Variants in MMP15 observed in about 807,000 individuals in gnomAD.
MMP15 encodes the protein matrix metalloproteinase-15.
In MMP15, 36 loss-of-function variants were observed where a neutral mutation model predicts 65.0. That is an observed-to-expected ratio of 0.55 (90% CI 0.42 to 0.73). The LOEUF is 0.73. Ranked by LOEUF, MMP15 falls within the 30% of genes least tolerant of loss-of-function variation. MMP15 has a pLI of 0.00. For missense variants in MMP15, 870 were observed against 987.8 expected (o/e 0.88, Z 1.60); for synonymous variants, 428 against 410.2 (o/e 1.04, Z -0.52).
rs761551053 is a variant in MMP15 at position 58,040,766 on chromosome 16, T to C, written c.910+68T>C. ...GTCCCTGGCCAATGAGGAGTAGGCA[T>C]TGCTGCCATCCCCATTTTGTAGATG... On this transcript the variant is annotated intron_variant, in intron 5 of 9. Coordinates refer to ENST00000219271, the MANE Select transcript of MMP15 (RefSeq NM_002428.4). 4.6e-5 allele frequency: 74 copies of C among 1,603,360 alleles called. 1 individual carries two copies. The Middle Eastern group carries it at 1.8e-3, about 39-fold the overall frequency.
Position 58,040,605 on chromosome 16 carries a change from C to G in MMP15, c.817C>G (p.Pro273Ala), listed in dbSNP as rs1465426810. The G allele has an allele frequency of 8.7e-6, 14 of 1,614,022 alleles. No homozygotes were observed. Among genetic ancestry groups the G allele is most frequent in the Non-Finnish European group, 1.2e-5 (14 of 1,180,052 alleles). The part of the protein sequence containing the change: ...HALGLEHSSN[P>A]NAIMAPFYQW... ...GCTGGGGCTGGAGCACTCCAGCAAC[C>G]CCAATGCCATCATGGCGCCGTTCTA... Residue 273 changes from proline (P) to alanine (A), a missense_variant, in exon 5 of 10, where the codon CCC (proline) becomes GCC (alanine). Transcript: ENST00000219271.
rs936222163 is a variant in MMP15 at position 58,037,074 on chromosome 16, C to T, written c.163-398C>T. Among the ~76,000 whole-genome samples, 10 of 152,142 alleles carry T rather than the reference C, an allele frequency of 6.6e-5. No homozygotes were observed. The South Asian group carries it at 8.3e-4, about 13-fold the overall frequency. On this transcript the variant is annotated intron_variant, in intron 1 of 9. Transcript: ENST00000219271. The stretch of plus-strand genomic sequence containing the variant: ...GGATGAAAGCCTCTCAGTTGTCTGG[C>T]GGGAGAGTGCATCAGGCAGCAGAGG...
At chr16:58,036,382 C>G (rs1019682705) in intron 1 of MMP15, among the ~76,000 whole-genome samples, 2 of 152,206 alleles carry the variant, frequency 1.3e-5, no homozygotes, top group African/African-American at 4.8e-5. Context: ...TGTGTTGGGT[C>G]TCCCAGGGAG....
In MMP15 at chr16:58,025,830, TGCTCTCTCGCTC is replaced by T. The variant is rs1227013832; in HGVS notation, c.-511_-500del. The T allele has an allele frequency of 6.6e-6, 1 of 151,694 alleles. No homozygotes were observed. The highest frequency in any genetic ancestry group is 2.4e-5 in the African/African-American group (1 of 41,304). 9.4% of individuals were successfully genotyped at this position (151,694 alleles called of 1,614,324 possible). ...GCGCCCGCTCCTTGGCTGGCTCGCT[TGCTCTCTCGCTC>T]GCTCTCTCGGGTCGGCTCCCTGCGC... On this transcript the variant is annotated 5_prime_UTR_variant, in exon 1 of 10. Coordinates refer to ENST00000219271, the MANE Select transcript of MMP15 (RefSeq NM_002428.4).
chr16:58,028,165 T>C (rs565239906), intron 1 of MMP15, among the ~76,000 whole-genome samples: 1 of 152,286 alleles, frequency 6.6e-6, no homozygotes, highest in Non-Finnish European at 1.5e-5. Context: ...CTTCACTCTC[T>C]CTCTCTTCTG....
chr16:58,045,313 T>C lies in MMP15; in HGVS notation c.1877T>C (p.Val626Ala). 6.2e-7 allele frequency: 1 copy of C among 1,609,764 alleles called. No homozygotes were observed. Among genetic ancestry groups the C allele is most frequent in the Non-Finnish European group, 8.5e-7 (1 of 1,179,180 alleles). ...QMEEVARTVN[V>A]VMVLVPLLLL... ...GAGGAGGTGGCACGGACGGTGAACG[T>C]GGTGATGGTGCTGGTGCCACTGCTG... Residue 626 changes from valine to alanine, a missense_variant, in exon 10 of 10, where the codon GTG becomes GCG. Val to Ala is a moderately conservative substitution (Grantham distance 64). Coordinates refer to ENST00000219271, the MANE Select transcript of MMP15 (RefSeq NM_002428.4).
At chr16:58,026,544 G>A in intron 1 of MMP15, 32 bp downstream of exon 1, 3 of 1,300,086 alleles carry the variant, frequency 2.3e-6, no homozygotes, top group South Asian at 2.2e-5. Context: ...TTGGCTGCGG[G>A]CTGGGGGCTT....
intron 1 of MMP15, among the ~76,000 whole-genome samples, chr16:58,034,275 G>A (rs1173387853): frequency 3.9e-5 from 6 of 152,196 alleles, no homozygotes; most frequent in South Asian, 2.1e-4. Flanking sequence ...ACTCATCTGC[G>A]CCTTTTGCCC....
At chr16:58,036,178 G>C (rs1959328625) in intron 1 of MMP15, among the ~76,000 whole-genome samples, 1 of 152,200 alleles carries the variant, frequency 6.6e-6, no homozygotes, top group Non-Finnish European at 1.5e-5. Flanking sequence ...GTCAGACACA[G>C]ACACTTGCAG....
At position 58,026,524 on chromosome 16, in the gene MMP15, G is replaced by C; in HGVS notation, c.162+12G>C. 2 of 1,319,568 alleles carry C rather than the reference G, an allele frequency of 1.5e-6. No homozygotes were observed. Among genetic ancestry groups the C allele is most frequent in the Middle Eastern group, 2.4e-4 (1 of 4,194 alleles). 81.7% of individuals were successfully genotyped at this position (1,319,568 alleles called of 1,614,324 possible). ...AGGTCCATGCCGAGGTAAGACCCCC[G>C]CCCTGCCCTTTGGCTGCGGGCTGGG... On this transcript the variant is annotated intron_variant, in intron 1 of 9. Transcript: ENST00000219271.
intron 1 of MMP15, among the ~76,000 whole-genome samples, chr16:58,036,321 C>G (rs1487758228): frequency 6.6e-6 from 1 of 152,216 alleles, no homozygotes; most frequent in Non-Finnish European, 1.5e-5. Flanking sequence ...CTGTCTCTGC[C>G]CTCTGGCTTG....
At chr16:58,042,060 T>C (rs373373905) in intron 6 of MMP15, among the ~76,000 whole-genome samples, 171 bp from the exon 7 acceptor site, 4 of 152,228 alleles carry the variant, frequency 2.6e-5, no homozygotes, top group Non-Finnish European at 5.9e-5. Flanking sequence ...GCTCCCCAGC[T>C]CAGGGCTCTG....
chr16:58,029,407 A>G (rs898516965), intron 1 of MMP15, among the ~76,000 whole-genome samples: 1 of 152,146 alleles, frequency 6.6e-6, no homozygotes, highest in Non-Finnish European at 1.5e-5. Flanking sequence ...GGGCCTTGTC[A>G]TTGGGAATCT....
At position 58,026,330 on chromosome 16, in the gene MMP15, G is replaced by C; in HGVS notation, c.-21G>C. ...GAGGATCCGGCGTGCAGTGTTCCGA[G>C]CTGGGCTGGGCGCCGAGAGCATGGG... On this transcript the variant is annotated 5_prime_UTR_variant, in exon 1 of 10. Transcript: ENST00000219271. The C allele has an allele frequency of 7.5e-7, 1 of 1,331,044 alleles. No individual in the cohort carries two copies. Among genetic ancestry groups the C allele is most frequent in the Non-Finnish European group, 9.6e-7 (1 of 1,044,582 alleles). The allele number at this position is 1,331,044 out of a possible 1,614,324, so 82.5% of individuals were successfully genotyped here.
intron 7 of MMP15, 32 bp downstream of exon 7, chr16:58,042,401 C>T (rs188793812): frequency 5.7e-5 from 92 of 1,609,564 alleles, no homozygotes; most frequent in South Asian, 5.1e-4. Flanking sequence ...GGGTTGGGCA[C>T]GCCTCCTGCC....
In MMP15 at chr16:58,045,608, T is replaced by C. The variant is rs1050234109; in HGVS notation, c.*162T>C. 1.8e-5 allele frequency: 11 copies of C among 626,862 alleles called. No homozygotes were observed. Among genetic ancestry groups the C allele is most frequent in the Admixed American group, 3.4e-5 (1 of 29,804 alleles). The allele number at this position is 626,862 out of a possible 1,614,324, so 38.8% of individuals were successfully genotyped here. On this transcript the variant is annotated 3_prime_UTR_variant, in exon 10 of 10. Transcript: ENST00000219271. ...TCCAGGTGTTTGTTTTGTTTTGTTTTTGGCACCTTACTTGACCATTTGTTT... is the reference window on the plus strand; with the variant it reads ...TCCAGGTGTTTGTTTTGTTTTGTTTCTGGCACCTTACTTGACCATTTGTTT...
At chr16:58,039,260 C>T (rs955951900) in intron 3 of MMP15, among the ~76,000 whole-genome samples, 2 of 152,214 alleles carry the variant, frequency 1.3e-5, no homozygotes, top group Non-Finnish European at 2.9e-5. Context: ...TGGAAAAACC[C>T]CGTCTCTACT....
intron 1 of MMP15, among the ~76,000 whole-genome samples, chr16:58,027,831 A>G (rs1963844511): frequency 6.6e-6 from 1 of 152,012 alleles, no homozygotes; most frequent in South Asian, 2.1e-4. Flanking sequence ...GAGGCAGGAT[A>G]GGAGCCCCGC....
In MMP15 at chr16:58,026,344, C is replaced by T. The variant is rs1247434128; in HGVS notation, c.-7C>T. On this transcript the variant is annotated 5_prime_UTR_variant, in exon 1 of 10. Transcript: ENST00000219271. ...CAGTGTTCCGAGCTGGGCTGGGCGC[C>T]GAGAGCATGGGCAGCGACCCGAGCG... The T allele has an allele frequency of 3.0e-6, 4 of 1,340,172 alleles. No individual in the cohort carries two copies. The highest frequency in any genetic ancestry group is 6.2e-5 in the East Asian group (2 of 32,182). The allele number at this position is 1,340,172 out of a possible 1,614,324, so 83.0% of individuals were successfully genotyped here.
Sources: gnomAD v4.1 joint callset for allele counts (sites outside exome capture counted in the v4.1 genomes callset) on GRCh38, gnomAD v4.1.1 for gene constraint, MANE v1.5 for transcripts, NCBI Gene and HGNC (gene_info 2026-07-23, HGNC 2026-07-21) for gene names.